The following ZDHHC2 variants were observed in gnomAD, a reference collection of about 807,000 sequenced individuals.
The protein encoded by ZDHHC2 is palmitoyltransferase ZDHHC2.
In ZDHHC2, 51 loss-of-function variants were observed where a neutral mutation model predicts 55.6. The observed-to-expected ratio is 0.92, with a 90% CI of 0.73 to 1.16. The LOEUF is 1.16. ZDHHC2 is among the 50% of genes most tolerant of loss of function. ZDHHC2 has a pLI of 0.00. For missense variants in ZDHHC2, 491 were observed against 442.4 expected, an observed-to-expected ratio of 1.11 and a Z score of -0.99; for synonymous variants, 199 against 152.9, an observed-to-expected ratio of 1.30 and a Z score of -2.22.
chr8:17,160,380 G>C (rs1804277330), intron 1 of ZDHHC2, among the ~76,000 whole-genome samples: 1 of 152,158 alleles, frequency 6.6e-6, no homozygotes, highest in African/African-American at 2.4e-5. Context: ...TTCTGAATTT[G>C]CTTACGGTTT....
chr8:17,184,694 G>A (rs761012187), intron 1 of ZDHHC2, 95 bp from the exon 2 acceptor site: 20 of 996,148 alleles, frequency 2.0e-5, no homozygotes, highest in Non-Finnish European at 3.0e-5. Context: ...TTGAAGGGAA[G>A]CCACATTATT....
chr8:17,161,837 G>A (rs1252866192), intron 1 of ZDHHC2, among the ~76,000 whole-genome samples: 1 of 151,980 alleles, frequency 6.6e-6, no homozygotes, highest in Non-Finnish European at 1.5e-5. Flanking sequence ...TTCAGCCTGG[G>A]GTGACAGAGC....
At chr8:17,168,471 T>A (rs949147363) in intron 1 of ZDHHC2, among the ~76,000 whole-genome samples, 15 of 152,214 alleles carry the variant, frequency 9.9e-5, no homozygotes, top group Admixed American at 2.6e-4. Context: ...GATTTTTTTT[T>A]ATTTTTTATT....
intron 1 of ZDHHC2, among the ~76,000 whole-genome samples, chr8:17,181,809 GTCTC>G (rs1340832343): frequency 6.6e-6 from 1 of 152,176 alleles, no homozygotes; most frequent in Non-Finnish European, 1.5e-5. Context: ...TCAAAAATGA[GTCTC>G]TATTTTTCAT....
In ZDHHC2 at chr8:17,195,720, A is replaced by G; in HGVS notation, c.373+96A>G. On this transcript the variant is annotated intron_variant, in intron 4 of 12. Coordinates refer to ENST00000262096, the MANE Select transcript of ZDHHC2 (RefSeq NM_016353.5). ...GTTTATGTACTTGAAATGGTAAAAC[A>G]CTCATTTCAGAATGCTGTGTTATTT... is the stretch of plus-strand genomic sequence containing the variant. 2.0e-6 allele frequency: 3 copies of G among 1,474,310 alleles called. No individual in the cohort carries two copies. In the South Asian group the frequency reaches 3.7e-5, roughly 18 times the overall value. The allele number at this position is 1,474,310 out of a possible 1,614,324, so 91.3% of individuals were successfully genotyped here. A position where few individuals can be genotyped will look rare whatever the true frequency, so the allele number is the denominator to read the frequency against.
intron 1 of ZDHHC2, among the ~76,000 whole-genome samples, chr8:17,169,401 C>T (rs1247157946): frequency 1.3e-5 from 2 of 152,030 alleles, no homozygotes; most frequent in South Asian, 2.1e-4. Flanking sequence ...GCAGAAAACT[C>T]GAGGGCCTCT....
chr8:17,176,618 G>A (rs933649043), intron 1 of ZDHHC2, among the ~76,000 whole-genome samples: 1 of 152,156 alleles, frequency 6.6e-6, no homozygotes, highest in Non-Finnish European at 1.5e-5. Flanking sequence ...TTGGGCTGGA[G>A]TCCAGGTCTC....
chr8:17,201,971 T>G (rs544586968), intron 6 of ZDHHC2, among the ~76,000 whole-genome samples: 1 of 152,186 alleles, frequency 6.6e-6, no homozygotes, highest in Non-Finnish European at 1.5e-5. Flanking sequence ...ATCTCATACT[T>G]GTGTTTTAAC....
chr8:17,215,243 A>G lies in ZDHHC2; in HGVS notation c.957A>G (p.Glu319=). The G allele has an allele frequency of 6.3e-7, 1 of 1,591,550 alleles. No homozygotes were observed. Among genetic ancestry groups the G allele is most frequent in the Non-Finnish European group, 8.6e-7 (1 of 1,169,100 alleles). ...TTATTCAATTATTATTCAGTCTCGA[A>G]AACCATCAGTTTCCTGCAAAGCCAT... ...AGLNSTAKNL[E]NHQFPAKPLR... is the part of the protein sequence containing the mutation. Residue 319 remains glutamate, a synonymous_variant, in exon 11 of 13, where the codon GAA becomes GAG. Coordinates refer to ENST00000262096, the MANE Select transcript of ZDHHC2 (RefSeq NM_016353.5).
chr8:17,173,620 C>A (rs1271372088), intron 1 of ZDHHC2, among the ~76,000 whole-genome samples: 1 of 149,964 alleles, frequency 6.7e-6, no homozygotes, highest in Non-Finnish European at 1.5e-5. Flanking sequence ...GTGGTCGAGG[C>A]AGCATGAGCC....
intron 1 of ZDHHC2, among the ~76,000 whole-genome samples, chr8:17,176,482 G>A (rs572450106): frequency 6.6e-6 from 1 of 152,048 alleles, no homozygotes; most frequent in Non-Finnish European, 1.5e-5. Flanking sequence ...ATACATCACG[G>A]TAGGATTTAA....
chr8:17,206,407 C>T (rs1807104268), intron 7 of ZDHHC2, among the ~76,000 whole-genome samples: 1 of 152,108 alleles, frequency 6.6e-6, no homozygotes. Context: ...ATGTTGTGAC[C>T]AGAGGTTCAT....
intron 7 of ZDHHC2, among the ~76,000 whole-genome samples, chr8:17,206,774 A>T (rs974425412): frequency 6.6e-6 from 1 of 152,334 alleles, no homozygotes; most frequent in Middle Eastern, 3.4e-3. Context: ...AAAGCAATTT[A>T]TCTGCTGCCA....
At chr8:17,176,915 G>T (rs964886726) in intron 1 of ZDHHC2, among the ~76,000 whole-genome samples, 1 of 152,098 alleles carries the variant, frequency 6.6e-6, no homozygotes, top group South Asian at 2.1e-4. Flanking sequence ...ATTCAAAAAT[G>T]TATTAGGAAG....
At chr8:17,195,728 C>T (rs933060790) in intron 4 of ZDHHC2, 104 bp downstream of exon 4, 2 of 1,442,052 alleles carry the variant, frequency 1.4e-6, no homozygotes, top group Non-Finnish European at 1.9e-6. Context: ...ACACTCATTT[C>T]AGAATGCTGT....
chr8:17,159,813 A>G (rs1456749724), intron 1 of ZDHHC2, among the ~76,000 whole-genome samples: 1 of 152,272 alleles, frequency 6.6e-6, no homozygotes, highest in East Asian at 1.9e-4. Flanking sequence ...TCGTTTGTTG[A>G]TTAACGAGGC....
intron 1 of ZDHHC2, among the ~76,000 whole-genome samples, chr8:17,158,540 G>C (rs1049982450): frequency 1.3e-5 from 2 of 152,218 alleles, no homozygotes; most frequent in Non-Finnish European, 2.9e-5. Context: ...GTGCTATATG[G>C]CAGATCTTAT....
At chr8:17,180,587 A>T (rs1220272437) in intron 1 of ZDHHC2, among the ~76,000 whole-genome samples, 1 of 152,170 alleles carries the variant, frequency 6.6e-6, no homozygotes, top group African/African-American at 2.4e-5. Context: ...ATAATTGTAC[A>T]TTCATGGGGC....
chr8:17,197,638 T>C lies in ZDHHC2; in HGVS notation c.430T>C (p.Ser144Pro). The change falls in exon 5 of 13, where the codon TCC (serine) becomes CCC (proline). Residue 144 changes from serine to proline, a missense_variant. Transcript: ENST00000262096. ...LIKPDRCHHC[S>P]VCDKCILKMD... ...AAAACCAGATCGCTGCCATCACTGCTCCGTCTGTGATAAGTAAGAGAACCT... is the reference window on the plus strand; with the variant it reads ...AAAACCAGATCGCTGCCATCACTGCCCCGTCTGTGATAAGTAAGAGAACCT... 1 of 1,613,712 alleles carries C rather than the reference T, an allele frequency of 6.2e-7. No individual in the cohort carries two copies. Among genetic ancestry groups the C allele is most frequent in the Non-Finnish European group, 8.5e-7 (1 of 1,179,672 alleles).
Sources: gnomAD v4.1 joint callset for allele counts (sites outside exome capture counted in the v4.1 genomes callset) on GRCh38, gnomAD v4.1.1 for gene constraint, MANE v1.5 for transcripts, NCBI Gene and HGNC (gene_info 2026-07-23, HGNC 2026-07-21) for gene names.